TRDMT1: variants seen among roughly 807,000 people sequenced by gnomAD.
The protein encoded by TRDMT1 is tRNA (cytosine(38)-C(5))-methyltransferase.
Under a neutral mutation model 51.2 loss-of-function variants are expected in TRDMT1, and 49 were observed. That is an observed-to-expected ratio of 0.96 (90% confidence interval 0.76 to 1.21). The LOEUF (loss-of-function observed/expected upper bound fraction) is 1.21, where lower values mean the gene tolerates loss of function less well. TRDMT1 is among the 50% of genes most tolerant of loss of function. TRDMT1 has a pLI of 0.00. For missense variants in TRDMT1, 534 were observed against 462.3 expected (o/e 1.16, Z -1.42); for synonymous variants, 187 against 164.6 (o/e 1.14, Z -1.04).
chr10:17,161,053 G>C (rs113639274), intron 5 of TRDMT1, among the ~76,000 whole-genome samples: 21 of 152,226 alleles, frequency 1.4e-4, no homozygotes, highest in African/African-American at 5.1e-4. Context: ...TCAAGGACTC[G>C]GGTGGATGCT....
chr10:17,201,475 G>A (rs1846163997), intron 1 of TRDMT1, 96 bp downstream of exon 1: 3 of 1,325,010 alleles, frequency 2.3e-6, no homozygotes, highest in African/African-American at 3.0e-5. Flanking sequence ...CACAGTGTCC[G>A]CCCCTTGCGT....
intron 1 of TRDMT1, among the ~76,000 whole-genome samples, chr10:17,187,914 A>C (rs1043701731): frequency 7.9e-5 from 12 of 152,188 alleles, no homozygotes; most frequent in African/African-American, 2.9e-4. Flanking sequence ...TTCATTATAT[A>C]AATGTTTAAG....
rs544634182 is a variant in TRDMT1 at position 17,168,439 on chromosome 10, T to TAGTA, written c.251+398_251+401dup. ...TTTGACACTACAGTATGATCTGATT[T>TAGTA]AGTAAGTCCTTCAAAAGCACTTTCT... On this transcript the variant is annotated intron_variant, in intron 3 of 10. Transcript: ENST00000377799. 1.7e-4 allele frequency among the ~76,000 whole-genome samples: 26 copies of TAGTA among 152,364 alleles called. No individual in the cohort carries two copies. In the South Asian group the frequency reaches 4.1e-3, roughly 24 times the overall value.
intron 8 of TRDMT1, among the ~76,000 whole-genome samples, chr10:17,156,628 A>G (rs759899113): frequency 1.3e-4 from 20 of 152,198 alleles, no homozygotes; most frequent in Non-Finnish European, 2.9e-4. Context: ...ACCCAAAGGA[A>G]GCCCTCTAAA....
intron 1 of TRDMT1, among the ~76,000 whole-genome samples, chr10:17,178,643 T>C (rs1842904016): frequency 7.3e-6 from 1 of 137,452 alleles, no homozygotes; most frequent in African/African-American, 2.8e-5. Context: ...ACCATTGCAC[T>C]CCAGCCTAGA....
intron 1 of TRDMT1, among the ~76,000 whole-genome samples, chr10:17,198,769 T>C (rs1845772513): frequency 6.6e-6 from 1 of 152,250 alleles, no homozygotes; most frequent in Non-Finnish European, 1.5e-5. Flanking sequence ...CATTGAACTA[T>C]ACATTTAAAA....
chr10:17,164,715 T>A (rs1012989006), intron 3 of TRDMT1, among the ~76,000 whole-genome samples: 2 of 152,162 alleles, frequency 1.3e-5, no homozygotes, highest in African/African-American at 4.8e-5. Context: ...AGCATTCTTA[T>A]ACACCAATAA....
At chr10:17,186,688 T>C (rs934482480) in intron 1 of TRDMT1, among the ~76,000 whole-genome samples, 4 of 152,268 alleles carry the variant, frequency 2.6e-5, no homozygotes, top group African/African-American at 7.2e-5. Context: ...AACTCATACA[T>C]AGATAATAAT....
intron 5 of TRDMT1, 39 bp downstream of exon 5, chr10:17,161,444 C>T: frequency 4.6e-6 from 6 of 1,297,950 alleles, no homozygotes; most frequent in African/African-American, 3.0e-5. Context: ...TAAGATATAC[C>T]AAGTCTAAGA....
chr10:17,194,039 A>G (rs369271840), intron 1 of TRDMT1, among the ~76,000 whole-genome samples: 46 of 152,298 alleles, frequency 3.0e-4, no homozygotes, highest in African/African-American at 1.1e-3. Flanking sequence ...TCAACAAAGT[A>G]GACAAAAAAA....
chr10:17,143,108 G>A lies in TRDMT1; in HGVS notation c.*5932C>T, dbSNP rs926880738. On this transcript the variant is annotated 3_prime_UTR_variant, in exon 11 of 11. Transcript: ENST00000377799. ...GGCTGTTCCTCTGGGCATGGAAGAA[G>A]TGGCAGTAACAGACAAATTAAATAG... 2.1e-5 allele frequency: 21 copies of A among 985,332 alleles called. No homozygotes were observed. Among genetic ancestry groups the A allele is most frequent in the Non-Finnish European group, 2.5e-5 (21 of 829,944 alleles). 61.0% of individuals were successfully genotyped at this position (985,332 alleles called of 1,614,324 possible).
intron 4 of TRDMT1, among the ~76,000 whole-genome samples, chr10:17,161,927 G>C (rs1042710484): frequency 6.6e-6 from 1 of 152,220 alleles, no homozygotes; most frequent in Non-Finnish European, 1.5e-5. Context: ...TATGAGCAGA[G>C]GCAGCAGAAT....
chr10:17,191,554 C>T (rs931128490), intron 1 of TRDMT1, among the ~76,000 whole-genome samples: 2 of 152,154 alleles, frequency 1.3e-5, no homozygotes, highest in Non-Finnish European at 2.9e-5. Flanking sequence ...CAGCCAACTG[C>T]TCTGGCAATG....
Position 17,157,708 on chromosome 10 carries a change from T to C in TRDMT1, c.620A>G (p.Glu207Gly). 6.2e-7 allele frequency: 1 copy of C among 1,612,148 alleles called. No homozygotes were observed. Among genetic ancestry groups the C allele is most frequent in the Non-Finnish European group, 8.5e-7 (1 of 1,179,376 alleles). ...YAMDVENKIQ[E>G]KNVEPNISFD... ...GCTAATATTTGGTTCAACGTTCTTTTCTTGAATTTTATTTTCTACATCCAT... is the reference window on the plus strand; with the variant it reads ...GCTAATATTTGGTTCAACGTTCTTTCCTTGAATTTTATTTTCTACATCCAT... The change falls in exon 8 of 11, where the codon GAA (glutamate) becomes GGA (glycine). Residue 207 changes from glutamate to glycine, a missense_variant. Coordinates refer to ENST00000377799, the MANE Select transcript of TRDMT1 (RefSeq NM_004412.7).
At position 17,162,247 on chromosome 10, in the gene TRDMT1, T is replaced by TTAAAAAAA; in HGVS notation, c.252-11_252-10insTTTTTTTA. On this transcript the variant is annotated splice_polypyrimidine_tract_variant and intron_variant, in intron 3 of 10. Coordinates refer to ENST00000377799, the MANE Select transcript of TRDMT1 (RefSeq NM_004412.7). ...ACCCTGCCGGCCAATCCTAAAGGGG[T>TTAAAAAAA]AAAAAAAAAAAAAAACAAAAAAAAA... is the stretch of plus-strand genomic sequence containing the variant. The TTAAAAAAA allele has an allele frequency of 7.4e-7, 1 of 1,352,330 alleles. No individual in the cohort carries two copies. The allele number at this position is 1,352,330 out of a possible 1,614,324, so 83.8% of individuals were successfully genotyped here.
At position 17,156,700 on chromosome 10, in the gene TRDMT1, A is replaced by G. The variant is rs185270971; in HGVS notation, c.887+741T>C. 4.6e-5 allele frequency among the ~76,000 whole-genome samples: 7 copies of G among 152,338 alleles called. No individual in the cohort carries two copies. In the East Asian group the frequency reaches 1.3e-3, roughly 29 times the overall value. ...AATATACCTACACCATGAAAACAGA[A>G]AGTCCTTTAAGTACTGATATGCGAT... On this transcript the variant is annotated intron_variant, in intron 8 of 10. Transcript: ENST00000377799.
At chr10:17,160,870 A>C (rs35062783) in intron 5 of TRDMT1, among the ~76,000 whole-genome samples, 42,982 of 152,126 alleles carry the variant, frequency 0.28, 6,322 homozygotes, top group Middle Eastern at 0.38. Context: ...ATAATATTGA[A>C]TCAAAAGATA....
chr10:17,171,210 C>G (rs183377654), intron 2 of TRDMT1, among the ~76,000 whole-genome samples: 22 of 151,664 alleles, frequency 1.5e-4, no homozygotes, highest in Non-Finnish European at 2.2e-4. Context: ...AGTCCCAGAG[C>G]CTTCATTCCG....
chr10:17,162,029 A>T (rs1415932925), intron 4 of TRDMT1, 137 bp downstream of exon 4: 2 of 754,280 alleles, frequency 2.7e-6, no homozygotes, highest in East Asian at 5.1e-5. Flanking sequence ...TCATGGTAGG[A>T]GAAGATAAAT....
Sources: allele counts gnomAD v4.1 joint callset (sites outside exome capture counted in the v4.1 genomes callset), GRCh38; gene constraint gnomAD v4.1.1; transcripts MANE v1.5; gene names NCBI Gene and HGNC (gene_info 2026-07-23, HGNC 2026-07-21).